CDH17: variants seen among roughly 807,000 people sequenced by gnomAD.
CDH17 encodes cadherin-17.
A neutral mutation model predicts 86.3 loss-of-function variants in CDH17; 67 were observed. The ratio of observed to expected loss-of-function variants is 0.78; its 90% CI spans 0.64 to 0.95. The LOEUF (loss-of-function observed/expected upper bound fraction) is 0.95, where lower values mean the gene tolerates loss of function less well. Ranked by LOEUF, CDH17 falls within the 40% of genes least tolerant of loss-of-function variation. The pLI is 0.00. For synonymous variants in CDH17, 367 were observed against 366.4 expected, an observed-to-expected ratio of 1.00 and a Z score of -0.02; for missense variants, 993 against 1,017.6, an observed-to-expected ratio of 0.98 and a Z score of 0.33.
intron 10 of CDH17, among the ~76,000 whole-genome samples, chr8:94,165,480 T>C (rs1220854041): frequency 6.6e-6 from 1 of 152,144 alleles, no homozygotes; most frequent in Non-Finnish European, 1.5e-5. Flanking sequence ...TCCGCAATTT[T>C]TTCTCACGGG....
chr8:94,153,948 G>A (rs1233562243), intron 12 of CDH17, among the ~76,000 whole-genome samples: 4 of 152,134 alleles, frequency 2.6e-5, no homozygotes, highest in African/African-American at 7.2e-5. Flanking sequence ...GAAGGAATGA[G>A]TTTAAAATAT....
At position 94,130,987 on chromosome 8, in the gene CDH17, G is replaced by T; in HGVS notation, c.2173C>A (p.His725Asn). Reference sequence around the variant, plus strand: ...GTGTGCCTGGTAGACAGTCGGGCATGAGTACCTGCCAGGACAGGAAAAAAA... The same window carrying T: ...GTGTGCCTGGTAGACAGTCGGGCATTAGTACCTGCCAGGACAGGAAAAAAA... The part of the protein sequence containing the change: ...DWEVSKINGT[H>N]ARLSTRHTEF... The change falls in exon 16 of 18, where the codon CAT (histidine) becomes AAT (asparagine). Residue 725 changes from histidine to asparagine, a missense_variant. Coordinates refer to ENST00000027335, the MANE Select transcript of CDH17 (RefSeq NM_004063.4). 3 of 1,518,176 alleles carry T rather than the reference G, an allele frequency of 2.0e-6. No individual in the cohort carries two copies. Among genetic ancestry groups the T allele is most frequent in the South Asian group, 2.2e-5 (2 of 89,100 alleles). 94.0% of individuals were successfully genotyped at this position (1,518,176 alleles called of 1,614,324 possible).
chr8:94,198,678 C>A (rs1194577194), intron 1 of CDH17, among the ~76,000 whole-genome samples: 1 of 152,144 alleles, frequency 6.6e-6, no homozygotes, highest in Non-Finnish European at 1.5e-5. Flanking sequence ...ACACCTCCAC[C>A]CAGATGGACT....
intron 15 of CDH17, among the ~76,000 whole-genome samples, chr8:94,138,436 A>G (rs1444897033): frequency 6.6e-6 from 1 of 152,240 alleles, no homozygotes; most frequent in African/African-American, 2.4e-5. Context: ...ATATCCAGGT[A>G]TCAGTTGCAG....
intron 12 of CDH17, among the ~76,000 whole-genome samples, chr8:94,157,946 A>G (rs911008058): frequency 1.3e-5 from 2 of 152,194 alleles, no homozygotes; most frequent in Non-Finnish European, 2.9e-5. Flanking sequence ...CATTGTGAAC[A>G]GGAGTATAGA....
At chr8:94,146,573 A>G (rs1812749352) in intron 14 of CDH17, among the ~76,000 whole-genome samples, 1 of 152,238 alleles carries the variant, frequency 6.6e-6, no homozygotes, top group African/African-American at 2.4e-5. Context: ...AGAATCCCAC[A>G]TATGAGTGAA....
chr8:94,164,633 T>C (rs965601061), intron 10 of CDH17, among the ~76,000 whole-genome samples: 16 of 152,208 alleles, frequency 1.1e-4, no homozygotes, highest in Admixed American at 4.6e-4. Context: ...TCAATATCCC[T>C]GTAAAGGACA....
At chr8:94,214,749 C>T (rs139510476) in intron 1 of CDH17, among the ~76,000 whole-genome samples, 38 of 152,168 alleles carry the variant, frequency 2.5e-4, no homozygotes, top group Admixed American at 9.2e-4. Context: ...TTGTAAGTCG[C>T]GTATCTGACA....
In CDH17 at chr8:94,169,614, G is replaced by C. The variant is rs1314381592; in HGVS notation, c.1066+783C>G. Among the ~76,000 whole-genome samples the C allele has an allele frequency of 2.0e-5, 3 of 152,128 alleles. No individual in the cohort carries two copies. The East Asian group carries it at 5.8e-4, about 29-fold the overall frequency. On this transcript the variant is annotated intron_variant, in intron 9 of 17. Transcript: ENST00000027335. ...TGATAGTCGTGAGGCTGCTACACTT[G>C]GAAGCCTCTGAAAGGTACACAGCAC...
chr8:94,187,536 A>G (rs1373695753), intron 3 of CDH17, among the ~76,000 whole-genome samples: 1 of 152,084 alleles, frequency 6.6e-6, no homozygotes, highest in Non-Finnish European at 1.5e-5. Flanking sequence ...AGAGTCCCCT[A>G]GCCAGTTCCC....
At chr8:94,184,524 C>T (rs556446992) in intron 3 of CDH17, among the ~76,000 whole-genome samples, 5 of 152,222 alleles carry the variant, frequency 3.3e-5, no homozygotes, top group African/African-American at 1.2e-4. Context: ...CTAGAACAGG[C>T]AAATCTATAG....
chr8:94,186,166 A>T (rs1813576585), intron 3 of CDH17, among the ~76,000 whole-genome samples: 1 of 152,042 alleles, frequency 6.6e-6, no homozygotes, highest in Non-Finnish European at 1.5e-5. Flanking sequence ...ACTGTCTGAG[A>T]CCTCTCCACC....
rs967628099 is a variant in CDH17, at chr8:94,164,655, C to T, written c.1282+1106G>A. ...CCCTGTAAAGGACAGAAACATGAAG[C>T]ACAGTGTGAAACGTTTCTTGTTTGT... On this transcript the variant is annotated intron_variant, in intron 10 of 17. Coordinates refer to ENST00000027335, the MANE Select transcript of CDH17 (RefSeq NM_004063.4). Among the ~76,000 whole-genome samples the T allele has an allele frequency of 3.9e-5, 6 of 152,292 alleles. No homozygotes were observed. In the East Asian group the frequency reaches 1.2e-3, roughly 29 times the overall value.
In CDH17 at chr8:94,146,162, A is replaced by AC. The variant is rs749875970; in HGVS notation, c.1932dup (p.Ser645ValfsTer18). 31 of 1,534,164 alleles carry AC rather than the reference A, an allele frequency of 2.0e-5. No homozygotes were observed. In the Middle Eastern group the frequency reaches 1.0e-3, roughly 52 times the overall value. On this transcript the variant is annotated frameshift_variant, in exon 15 of 18. Coordinates refer to ENST00000027335, the MANE Select transcript of CDH17 (RefSeq NM_004063.4). LOFTEE classifies it high-confidence loss of function. ...AACTCTGACACAGAGCTCAAGGAAG[A>AC]CCCCCCTAAGGAATTGAATGATTGA...
chr8:94,141,921 A>C (rs937420296), intron 15 of CDH17, among the ~76,000 whole-genome samples: 79 of 152,326 alleles, frequency 5.2e-4, no homozygotes, highest in African/African-American at 1.8e-3. Context: ...AAAAGAACAA[A>C]GTCGGAAAAA....
In CDH17 at chr8:94,176,610, T is replaced by C; in HGVS notation, c.355A>G (p.Ile119Val). 6.2e-7 allele frequency: 1 copy of C among 1,613,840 alleles called. No homozygotes were observed. The highest frequency in any genetic ancestry group is 2.2e-5 in the East Asian group (1 of 44,854). The change falls in exon 5 of 18, where the codon ATC becomes GTC. Residue 119 changes from isoleucine (I) to valine (V), a missense_variant. By Grantham distance (29) the Ile-to-Val change is conservative. Transcript: ENST00000027335. ...PVPITIKVKD[I>V]NDNRPTFLQS... Reference sequence around the variant, plus strand: ...AGAAACGTGGGTCGATTGTCGTTGATGTCCTTCACTTTTATGGTGATAGGG... The same window carrying C: ...AGAAACGTGGGTCGATTGTCGTTGACGTCCTTCACTTTTATGGTGATAGGG...
At chr8:94,188,468 C>T (rs1298603029) in intron 3 of CDH17, among the ~76,000 whole-genome samples, 3 of 152,130 alleles carry the variant, frequency 2.0e-5, no homozygotes, top group Middle Eastern at 3.2e-3. Flanking sequence ...GGAGGGGTCA[C>T]GGGCACCCCC....
upstream of CDH17, among the ~76,000 whole-genome samples, chr8:94,212,620 C>T (rs80185910): frequency 0.041 from 3,884 of 95,230 alleles, 167 homozygotes; most frequent in African/African-American, 0.11. Flanking sequence ...ATACATAATG[C>T]TGTTTAAAAA....
At chr8:94,143,179 T>C (rs932427958) in intron 15 of CDH17, among the ~76,000 whole-genome samples, 1 of 152,224 alleles carries the variant, frequency 6.6e-6, no homozygotes, top group Admixed American at 6.5e-5. Flanking sequence ...GAATGGATGC[T>C]GTGTTAGCAG....
Sources: gnomAD v4.1 joint callset for allele counts (sites outside exome capture counted in the v4.1 genomes callset) on GRCh38, gnomAD v4.1.1 for gene constraint, MANE v1.5 for transcripts, NCBI Gene and HGNC (gene_info 2026-07-23, HGNC 2026-07-21) for gene names.